LEF1: variants seen among roughly 807,000 people sequenced by gnomAD.
LEF1 encodes lymphoid enhancer binding factor 1.
A neutral mutation model predicts 51.2 loss-of-function variants in LEF1; 14 were observed. The ratio of observed to expected loss-of-function variants is 0.27; its 90% CI spans 0.18 to 0.43. LEF1 has a LOEUF of 0.43. Among genes scored for constraint, LEF1 ranks in the 20% least tolerant of loss-of-function variants. LEF1 has a pLI of 1.00. For synonymous variants in LEF1, 185 were observed against 183.2 expected (o/e 1.01, Z -0.08); for missense variants, 386 against 512.0 (o/e 0.75, Z 2.37).
At chr4:108,139,930 AAC>A (rs1470228774) in intron 3 of LEF1, among the ~76,000 whole-genome samples, 1 of 152,198 alleles carries the variant, frequency 6.6e-6, no homozygotes, top group Non-Finnish European at 1.5e-5. Context: ...ACAGAGGAAA[AAC>A]ACAGATTTCT....
rs868468389 is a variant in LEF1, at chr4:108,092,368, G to A, written c.415-3111C>T. On this transcript the variant is annotated intron_variant, in intron 3 of 11. Transcript: ENST00000265165. Reference sequence around the variant, plus strand: ...TAGCATGTGTGAGCAGAATTCCAAGGGTTATGGTTTGCTTCCTGCCAACCA... The same window carrying A: ...TAGCATGTGTGAGCAGAATTCCAAGAGTTATGGTTTGCTTCCTGCCAACCA... Among the ~76,000 whole-genome samples the A allele has an allele frequency of 4.6e-5, 7 of 152,242 alleles. No individual in the cohort carries two copies. In the South Asian group the frequency reaches 1.5e-3, roughly 32 times the overall value.
intron 3 of LEF1, among the ~76,000 whole-genome samples, chr4:108,125,206 C>T (rs2110340424): frequency 6.6e-6 from 1 of 152,140 alleles, no homozygotes; most frequent in Non-Finnish European, 1.5e-5. Flanking sequence ...CTCTATCGCC[C>T]AGGCTGGAGT....
At chr4:108,059,105 C>T (rs1434146761) in intron 11 of LEF1, among the ~76,000 whole-genome samples, 1 of 152,182 alleles carries the variant, frequency 6.6e-6, no homozygotes, top group Non-Finnish European at 1.5e-5. Flanking sequence ...GTTGAGACCA[C>T]ATTAATGGTA....
intron 3 of LEF1, among the ~76,000 whole-genome samples, chr4:108,096,253 G>A (rs1740385675): frequency 6.6e-6 from 1 of 152,116 alleles, no homozygotes; most frequent in African/African-American, 2.4e-5. Context: ...AGGAAGAGGA[G>A]GAGAAGGAGA....
At chr4:108,120,539 A>C (rs1267407433) in intron 3 of LEF1, among the ~76,000 whole-genome samples, 1 of 152,196 alleles carries the variant, frequency 6.6e-6, no homozygotes, top group African/African-American at 2.4e-5. Context: ...ACAAAGCAGT[A>C]ATTTTTTAAA....
At chr4:108,115,195 A>G (rs1399428013) in intron 3 of LEF1, among the ~76,000 whole-genome samples, 1 of 152,252 alleles carries the variant, frequency 6.6e-6, no homozygotes, top group African/African-American at 2.4e-5. Flanking sequence ...AAATTTATAT[A>G]TTGGAAATGA....
At chr4:108,139,486 T>C (rs1743506689) in intron 3 of LEF1, among the ~76,000 whole-genome samples, 2 of 152,220 alleles carry the variant, frequency 1.3e-5, no homozygotes, top group South Asian at 2.1e-4. Context: ...AATGTGACTA[T>C]GTCCAGCACA....
At position 108,078,489 on chromosome 4, in the gene LEF1, G is replaced by T. The variant is rs572857172; in HGVS notation, c.846-107C>A. On this transcript the variant is annotated intron_variant, in intron 7 of 11. Transcript: ENST00000265165. The stretch of plus-strand genomic sequence containing the variant: ...TGCTCACATGGCTACACTCAGGATG[G>T]CGACAACCCTCTCACCCCAGACCAC... 8.4e-6 allele frequency: 12 copies of T among 1,425,462 alleles called. No individual in the cohort carries two copies. In the South Asian group the frequency reaches 9.3e-5, roughly 11 times the overall value. The allele number at this position is 1,425,462 out of a possible 1,614,324, so 88.3% of individuals were successfully genotyped here.
intron 3 of LEF1, among the ~76,000 whole-genome samples, chr4:108,126,832 T>C (rs966118429): frequency 7.2e-6 from 1 of 138,396 alleles, no homozygotes; most frequent in Non-Finnish European, 1.6e-5. Flanking sequence ...AAAGAATAGG[T>C]GGAAAATGTC....
At chr4:108,152,699 T>C (rs1428174873) in intron 3 of LEF1, among the ~76,000 whole-genome samples, 1 of 152,234 alleles carries the variant, frequency 6.6e-6, no homozygotes, top group Non-Finnish European at 1.5e-5. Flanking sequence ...ATGGAGAGTT[T>C]GTTAAAAGCG....
intron 3 of LEF1, among the ~76,000 whole-genome samples, chr4:108,125,405 C>T (rs981088428): frequency 3.3e-5 from 5 of 152,134 alleles, no homozygotes; most frequent in East Asian, 1.9e-4. Context: ...TCAGGTGATC[C>T]GCCCACCTTA....
intron 1 of LEF1, 101 bp from the exon 2 acceptor site, chr4:108,165,264 G>A (rs1745313960): frequency 6.6e-6 from 7 of 1,054,690 alleles, no homozygotes; most frequent in African/African-American, 1.6e-5. Flanking sequence ...AAAGGAAGAG[G>A]TTTAGGGGCA....
Position 108,167,804 on chromosome 4 carries a change from C to A in LEF1, c.-37G>T. On this transcript the variant is annotated 5_prime_UTR_variant, in exon 1 of 12. Transcript: ENST00000265165. The surrounding 1 kb of genome is among the most constrained non-coding windows in gnomAD (Gnocchi z 5.7). ...TGTAATCTCCGCTCCGCTGTGGGAGCACCCGCGCAACAGCAGGAAAGACAG... is the reference window on the plus strand; with the variant it reads ...TGTAATCTCCGCTCCGCTGTGGGAGAACCCGCGCAACAGCAGGAAAGACAG... 6.3e-7 allele frequency: 1 copy of A among 1,578,340 alleles called. No homozygotes were observed. The highest frequency in any genetic ancestry group is 8.6e-7 in the Non-Finnish European group (1 of 1,156,330).
At chr4:108,105,708 T>C (rs894120963) in intron 3 of LEF1, among the ~76,000 whole-genome samples, 1 of 152,214 alleles carries the variant, frequency 6.6e-6, no homozygotes, top group Admixed American at 6.5e-5. Context: ...GAAATTCTTA[T>C]GATAGAGCAA....
intron 3 of LEF1, among the ~76,000 whole-genome samples, chr4:108,132,284 G>C (rs1360988106): frequency 6.6e-6 from 1 of 152,132 alleles, no homozygotes; most frequent in Non-Finnish European, 1.5e-5. Flanking sequence ...CCTTCAGCAA[G>C]GAATACTATC....
chr4:108,048,702 T>A lies in LEF1; in HGVS notation c.*56A>T. 1 of 1,610,552 alleles carries A rather than the reference T, an allele frequency of 6.2e-7. No individual in the cohort carries two copies. The highest frequency in any genetic ancestry group is 1.1e-5 in the South Asian group (1 of 90,424). The stretch of plus-strand genomic sequence containing the variant: ...AAGCTTCCATCTCCAGAAGAGGTCC[T>A]GGGGTCGCTGCCTTGGCTTTGCACG... On this transcript the variant is annotated 3_prime_UTR_variant, in exon 12 of 12. Transcript: ENST00000265165.
chr4:108,048,491 C>A lies in LEF1; in HGVS notation c.*267G>T. On this transcript the variant is annotated 3_prime_UTR_variant, in exon 12 of 12. Coordinates refer to ENST00000265165, the MANE Select transcript of LEF1 (RefSeq NM_016269.5). ...CTGCTAGCATTCTCATGTGCTTTTA[C>A]ATTTCCTTTTAAAAAACCTTTTTAT... The A allele has an allele frequency of 2.4e-6, 1 of 422,836 alleles. No individual in the cohort carries two copies. Among genetic ancestry groups the A allele is most frequent in the East Asian group, 3.5e-5 (1 of 28,566 alleles). 26.2% of individuals were successfully genotyped at this position (422,836 alleles called of 1,614,324 possible).
intron 3 of LEF1, among the ~76,000 whole-genome samples, chr4:108,133,418 G>A (rs924528919): frequency 1.3e-5 from 2 of 152,166 alleles, no homozygotes; most frequent in African/African-American, 4.8e-5. Flanking sequence ...TTCATTAGGT[G>A]CCTGTACTCT....
intron 11 of LEF1, among the ~76,000 whole-genome samples, chr4:108,057,762 T>C (rs996909038): frequency 6.6e-6 from 1 of 152,180 alleles, no homozygotes; most frequent in African/African-American, 2.4e-5. Context: ...GAACATTAAC[T>C]ACTATATTGA....
Sources: gnomAD v4.1 joint callset for allele counts (sites outside exome capture counted in the v4.1 genomes callset) on GRCh38, gnomAD v4.1.1 for gene constraint, Gnocchi (gnomAD v3.1) non-coding constraint, MANE v1.5 for transcripts, NCBI Gene and HGNC (gene_info 2026-07-23, HGNC 2026-07-21) for gene names.